The following CSMD3 variants were observed in gnomAD, a reference collection of about 807,000 sequenced individuals.
CSMD3 encodes the protein CUB and sushi domain-containing protein 3.
Under a neutral mutation model 435.2 loss-of-function variants are expected in CSMD3, and 177 were observed. The ratio of observed to expected loss-of-function variants is 0.41; its 90% CI spans 0.36 to 0.46. The LOEUF (loss-of-function observed/expected upper bound fraction) is 0.46. Ranked by LOEUF, CSMD3 falls within the 20% of genes least tolerant of loss-of-function variation. The pLI is 0.34. For missense variants in CSMD3, 4,265 were observed against 4,504.6 expected, an observed-to-expected ratio of 0.95 and a Z score of 1.52; for synonymous variants, 1,656 against 1,520.5, an observed-to-expected ratio of 1.09 and a Z score of -2.07.
At chr8:112,479,451 T>TG (rs1355747257) in intron 31 of CSMD3, among the ~76,000 whole-genome samples, 1 of 152,004 alleles carries the variant, frequency 6.6e-6, no homozygotes, top group Non-Finnish European at 1.5e-5. Context: ...TCCAAGACAA[T>TG]GGGGAAAAGG....
chr8:113,178,923 C>T (rs2092385342), intron 3 of CSMD3, among the ~76,000 whole-genome samples: 1 of 151,840 alleles, frequency 6.6e-6, no homozygotes, highest in Non-Finnish European at 1.5e-5. Flanking sequence ...ACTATTTCCT[C>T]ATTAAATATT....
chr8:113,385,929 AT>A (rs1378226535), intron 1 of CSMD3, among the ~76,000 whole-genome samples: 1 of 151,998 alleles, frequency 6.6e-6, no homozygotes, highest in East Asian at 1.9e-4. Flanking sequence ...TTATATGAAA[AT>A]TATCTATTTA....
chr8:112,345,154 A>T (rs2131016700), intron 41 of CSMD3, among the ~76,000 whole-genome samples: 1 of 152,332 alleles, frequency 6.6e-6, no homozygotes, highest in South Asian at 2.1e-4. Flanking sequence ...AAATATTAGT[A>T]CAGACATTAC....
intron 6 of CSMD3, among the ~76,000 whole-genome samples, 165 bp from the exon 7 acceptor site, chr8:112,976,313 T>G (rs2084847220): frequency 6.6e-6 from 1 of 152,122 alleles, no homozygotes; most frequent in African/African-American, 2.4e-5. Context: ...ACTAGATCTG[T>G]CGGTTTGTTT....
chr8:113,044,690 T>C (rs1469470957), intron 5 of CSMD3, among the ~76,000 whole-genome samples: 1 of 149,130 alleles, frequency 6.7e-6, no homozygotes, highest in Non-Finnish European at 1.5e-5. Context: ...AACATAAATG[T>C]GGCCCACATG....
chr8:113,018,918 C>T (rs1473129780), intron 6 of CSMD3, 149 bp downstream of exon 6: 9 of 673,774 alleles, frequency 1.3e-5, no homozygotes, highest in Non-Finnish European at 2.2e-5. Context: ...GTTATGATCA[C>T]ATTATTGTCT....
At chr8:112,881,074 G>A (rs1043348982) in intron 10 of CSMD3, among the ~76,000 whole-genome samples, 1 of 151,970 alleles carries the variant, frequency 6.6e-6, no homozygotes, top group African/African-American at 2.4e-5. Context: ...CCTACACTAT[G>A]TATTAAAGAA....
chr8:112,418,330 G>A (rs1812132341), intron 32 of CSMD3, among the ~76,000 whole-genome samples: 1 of 151,642 alleles, frequency 6.6e-6, no homozygotes, highest in South Asian at 2.1e-4. Flanking sequence ...ATGTATACAT[G>A]TGTCGTATTT....
chr8:112,407,513 T>A (rs936881669), intron 34 of CSMD3, among the ~76,000 whole-genome samples: 3 of 152,042 alleles, frequency 2.0e-5, no homozygotes, highest in Non-Finnish European at 2.9e-5. Flanking sequence ...CTTATGCGAC[T>A]TGAGTAAATA....
intron 66 of CSMD3, among the ~76,000 whole-genome samples, chr8:112,240,569 C>T (rs907479619): frequency 5.9e-5 from 9 of 152,046 alleles, no homozygotes; most frequent in African/African-American, 1.9e-4. Flanking sequence ...AAATTAGATC[C>T]TAATGTAGTT....
In CSMD3 at chr8:112,437,570, T is replaced by C. The variant is rs561050853; in HGVS notation, c.5396-28538A>G. Among the ~76,000 whole-genome samples the C allele has an allele frequency of 1.6e-3, 239 of 152,134 alleles. 2 individuals carry two copies. In the South Asian group the frequency reaches 0.046, roughly 29 times the overall value. On this transcript the variant is annotated intron_variant, in intron 32 of 70. Transcript: ENST00000297405. ...ATTTTCCTCTCTTTGGAGCCATATA[T>C]ATATGTGTGTGTGTATGTATATATA...
At chr8:112,921,895 C>T (rs1211159378) in intron 9 of CSMD3, 144 bp from the exon 10 acceptor site, 1 of 681,338 alleles carries the variant, frequency 1.5e-6, no homozygotes, top group Non-Finnish European at 2.6e-6. Context: ...GAAAGTATGA[C>T]TTGTAGAAAT....
chr8:112,862,908 C>A (rs540225853), intron 10 of CSMD3, among the ~76,000 whole-genome samples: 2 of 152,168 alleles, frequency 1.3e-5, no homozygotes, highest in Admixed American at 6.5e-5. Flanking sequence ...ATAATAGTAT[C>A]AATCATTATG....
intron 2 of CSMD3, among the ~76,000 whole-genome samples, chr8:113,298,789 G>T (rs1416552286): frequency 6.6e-6 from 1 of 152,076 alleles, no homozygotes; most frequent in Admixed American, 6.6e-5. Context: ...TCTGGCTAGA[G>T]ATGAGGGTCA....
At chr8:112,311,615 G>T (rs1295688055) in intron 49 of CSMD3, among the ~76,000 whole-genome samples, 1 of 152,080 alleles carries the variant, frequency 6.6e-6, no homozygotes, top group Non-Finnish European at 1.5e-5. Flanking sequence ...ATTTCATTTT[G>T]GTTGATGTCT....
intron 1 of CSMD3, among the ~76,000 whole-genome samples, chr8:113,360,965 T>C (rs913034536): frequency 2.6e-5 from 4 of 152,158 alleles, no homozygotes; most frequent in Non-Finnish European, 5.9e-5. Context: ...CAAATATCAT[T>C]TCACTGAAAA....
chr8:112,638,980 T>C, intron 20 of CSMD3, 69 bp from the exon 21 acceptor site: 1 of 1,065,594 alleles, frequency 9.4e-7, no homozygotes, highest in Non-Finnish European at 1.4e-6. Flanking sequence ...ACTGTCAAAC[T>C]AACTATTAGC....
At chr8:113,393,541 G>A (rs575295653) in intron 1 of CSMD3, among the ~76,000 whole-genome samples, 1 of 152,150 alleles carries the variant, frequency 6.6e-6, no homozygotes, top group South Asian at 2.1e-4. Context: ...TTGAAGTGCA[G>A]TCTTCTCAAA....
intron 27 of CSMD3, among the ~76,000 whole-genome samples, chr8:112,544,523 T>C (rs1042313838): frequency 6.6e-6 from 1 of 152,230 alleles, no homozygotes; most frequent in Non-Finnish European, 1.5e-5. Flanking sequence ...GATCAGTGCA[T>C]GATTTTCCCT....
Sources: allele counts gnomAD v4.1 joint callset (sites outside exome capture counted in the v4.1 genomes callset), GRCh38; gene constraint gnomAD v4.1.1; transcripts MANE v1.5; gene names NCBI Gene and HGNC (gene_info 2026-07-23, HGNC 2026-07-21).